SNX2: variants seen among roughly 807,000 people sequenced by gnomAD.
The protein encoded by SNX2 is sorting nexin 2.
A neutral mutation model predicts 69.9 loss-of-function variants in SNX2; 25 were observed. That is an observed-to-expected ratio of 0.36 (90% CI 0.26 to 0.50). SNX2 has a LOEUF of 0.50. SNX2 is among the 20% of genes least tolerant of loss of function. SNX2 has a pLI of 0.97. For synonymous variants in SNX2, 229 were observed against 200.4 expected (o/e 1.14, Z -1.20); for missense variants, 551 against 613.3 (o/e 0.90, Z 1.07).
intron 2 of SNX2, among the ~76,000 whole-genome samples, chr5:122,799,449 A>G (rs1753459288): frequency 6.6e-6 from 1 of 152,176 alleles, no homozygotes; most frequent in Non-Finnish European, 1.5e-5. Flanking sequence ...CCTGATCCCT[A>G]CCACTAGTAT....
At chr5:122,812,044 T>G (rs1394225844) in intron 7 of SNX2, among the ~76,000 whole-genome samples, 2 of 152,178 alleles carry the variant, frequency 1.3e-5, no homozygotes, top group Non-Finnish European at 2.9e-5. Flanking sequence ...ATACAACCTT[T>G]TCTCACCAGT....
intron 6 of SNX2, among the ~76,000 whole-genome samples, chr5:122,805,873 C>T (rs894911076): frequency 9.2e-5 from 14 of 152,092 alleles, no homozygotes; most frequent in African/African-American, 3.1e-4. Context: ...CTCTGTCTCC[C>T]GGGTTCATGC....
chr5:122,780,130 G>A (rs1752939280), intron 1 of SNX2, among the ~76,000 whole-genome samples: 1 of 152,156 alleles, frequency 6.6e-6, no homozygotes, highest in Non-Finnish European at 1.5e-5. Flanking sequence ...GATAGCATTA[G>A]GCAGCTAGGA....
At chr5:122,806,142 G>GCGCGCACGCACACACACACACA in intron 6 of SNX2, among the ~76,000 whole-genome samples, 1 of 130,584 alleles carries the variant, frequency 7.7e-6, no homozygotes, top group African/African-American at 2.9e-5. Flanking sequence ...ACACGCGCGC[G>GCGCGCACGCACACACACACACA]CACACACACA....
At chr5:122,812,328 C>G (rs1461184035) in intron 7 of SNX2, among the ~76,000 whole-genome samples, 2 of 152,098 alleles carry the variant, frequency 1.3e-5, no homozygotes. Context: ...ATCACTCACT[C>G]TGCTTTAGGC....
chr5:122,806,142 GCACA>G lies in SNX2; in HGVS notation c.644-2112_644-2109del, dbSNP rs139834252. Among the ~76,000 whole-genome samples, 100 of 130,524 alleles carry G rather than the reference GCACA, an allele frequency of 7.7e-4. 1 individual carries two copies. The highest frequency in any genetic ancestry group is 3.3e-3 in the Admixed American group (43 of 13,110). 85.6% of individuals were successfully genotyped at this position (130,524 alleles called of 152,430 possible). A position where few individuals can be genotyped will look rare whatever the true frequency, so the allele number is the denominator to read the frequency against. On this transcript the variant is annotated intron_variant, in intron 6 of 14. Transcript: ENST00000379516. ...TGTGTATATATATACACACGCGCGCGCACACACACACACACACACACACACAGCC... is the reference window on the plus strand; with the variant it reads ...TGTGTATATATATACACACGCGCGCGCACACACACACACACACACACAGCC...
At chr5:122,776,343 C>T (rs1300229123) in intron 1 of SNX2, among the ~76,000 whole-genome samples, 1 of 152,054 alleles carries the variant, frequency 6.6e-6, no homozygotes, top group African/African-American at 2.4e-5. Context: ...ACCCAAACCC[C>T]ACCTCCCCTC....
intron 1 of SNX2, among the ~76,000 whole-genome samples, chr5:122,783,897 A>T (rs189098298): frequency 1.5e-5 from 2 of 136,450 alleles, no homozygotes; most frequent in Non-Finnish European, 3.2e-5. Context: ...TTCAAGCTAT[A>T]AGCATAATCT....
chr5:122,789,463 A>G (rs1471788666), intron 1 of SNX2, among the ~76,000 whole-genome samples: 3 of 54,572 alleles, frequency 5.5e-5, no homozygotes, highest in Admixed American at 2.3e-4. Flanking sequence ...ACACACACAC[A>G]GACACACACG....
At chr5:122,825,027 C>A (rs1754123011) in intron 11 of SNX2, among the ~76,000 whole-genome samples, 1 of 152,046 alleles carries the variant, frequency 6.6e-6, no homozygotes, top group Admixed American at 6.5e-5. Flanking sequence ...ATATTAGAAC[C>A]AAATTTGATT....
At chr5:122,811,217 T>C (rs1280944808) in intron 7 of SNX2, among the ~76,000 whole-genome samples, 1 of 152,158 alleles carries the variant, frequency 6.6e-6, no homozygotes, top group East Asian at 1.9e-4. Context: ...TATCTGGTAT[T>C]AAAGGTTAGG....
intron 5 of SNX2, 135 bp from the exon 6 acceptor site, chr5:122,803,337 T>TATA: frequency 1.4e-6 from 1 of 739,118 alleles, no homozygotes; most frequent in Non-Finnish European, 2.1e-6. Context: ...TAGAAACCTA[T>TATA]ATACCACATT....
intron 7 of SNX2, among the ~76,000 whole-genome samples, chr5:122,812,268 A>T (rs886711529): frequency 6.6e-6 from 1 of 152,198 alleles, no homozygotes; most frequent in African/African-American, 2.4e-5. Flanking sequence ...AAGACTTTAT[A>T]TGACCTGCAC....
intron 1 of SNX2, among the ~76,000 whole-genome samples, chr5:122,778,946 A>G (rs1293808918): frequency 2.0e-5 from 3 of 152,194 alleles, no homozygotes; most frequent in African/African-American, 7.2e-5. Flanking sequence ...AAGGGAAAAA[A>G]ATCTGGCAAA....
intron 1 of SNX2, among the ~76,000 whole-genome samples, chr5:122,789,809 G>GT (rs1753187116): frequency 6.6e-6 from 1 of 152,140 alleles, no homozygotes; most frequent in African/African-American, 2.4e-5. Flanking sequence ...AAGAGGAAAG[G>GT]AATAGACTCT....
intron 14 of SNX2, 85 bp downstream of exon 14, chr5:122,827,731 G>A: frequency 1.1e-6 from 1 of 917,474 alleles, no homozygotes; most frequent in East Asian, 2.5e-5. Flanking sequence ...TAATGAACTG[G>A]GCATTTAAAC....
chr5:122,783,272 C>T (rs574534911), intron 1 of SNX2, among the ~76,000 whole-genome samples: 1 of 152,138 alleles, frequency 6.6e-6, no homozygotes, highest in East Asian at 1.9e-4. Flanking sequence ...TTTGATTAAC[C>T]GTATCTTTCT....
rs1753521478 is a variant in SNX2 at position 122,801,781 on chromosome 5, C to G, written c.391-88C>G. The G allele has an allele frequency of 3.4e-5, 28 of 831,890 alleles. 1 individual carries two copies. The South Asian group carries it at 3.5e-4, about 10-fold the overall frequency. 51.5% of individuals were successfully genotyped at this position (831,890 alleles called of 1,614,324 possible). On this transcript the variant is annotated intron_variant, in intron 3 of 14. Coordinates refer to ENST00000379516, the MANE Select transcript of SNX2 (RefSeq NM_003100.4). ...TAAATTATTTGTTGTGACAGTGACT[C>G]TTACAGAAAATAGATGATAAAAATT...
rs1581652872 is a variant in SNX2, at chr5:122,832,442, T to C, written c.*2794T>C. 1.3e-5 allele frequency: 2 copies of C among 152,220 alleles called. No homozygotes were observed. The highest frequency in any genetic ancestry group is 2.9e-5 in the Non-Finnish European group (2 of 68,022). 9.4% of individuals were successfully genotyped at this position (152,220 alleles called of 1,614,324 possible). On this transcript the variant is annotated 3_prime_UTR_variant, in exon 15 of 15. Coordinates refer to ENST00000379516, the MANE Select transcript of SNX2 (RefSeq NM_003100.4). ...ATGCCTAACACATAGATTTCCTTGA[T>C]TGTATTTTCTACTGAACTATTTTCA...
Sources: allele counts gnomAD v4.1 joint callset (sites outside exome capture counted in the v4.1 genomes callset), GRCh38; gene constraint gnomAD v4.1.1; transcripts MANE v1.5; gene names NCBI Gene and HGNC (gene_info 2026-07-23, HGNC 2026-07-21).